IL1RAPL2: variants seen among roughly 807,000 people sequenced by gnomAD.
IL1RAPL2 encodes X-linked interleukin-1 receptor accessory protein-like 2.
A neutral mutation model predicts 44.1 loss-of-function variants in IL1RAPL2; 3 were observed. The observed-to-expected ratio is 0.07, with a 90% CI of 0.03 to 0.18. IL1RAPL2 has a LOEUF of 0.18. Ranked by LOEUF, IL1RAPL2 falls within the 10% of genes least tolerant of loss-of-function variation. The pLI is 1.00. For synonymous variants in IL1RAPL2, 181 were observed against 178.8 expected, an observed-to-expected ratio of 1.01 and a Z score of -0.10; for missense variants, 391 against 496.4, an observed-to-expected ratio of 0.79 and a Z score of 2.02.
chrX:105,298,873 T>C (rs935727886), intron 5 of IL1RAPL2, among the ~76,000 whole-genome samples: 2 of 111,433 alleles, frequency 1.8e-5, no homozygotes, highest in Admixed American at 9.6e-5. Context: ...CTGCTGAGTT[T>C]GAATAAGTGG....
chrX:105,729,861 G>A (rs1260742674), intron 7 of IL1RAPL2, among the ~76,000 whole-genome samples: 1 of 79,020 alleles, frequency 1.3e-5, no homozygotes, highest in Non-Finnish European at 2.3e-5. Flanking sequence ...AGCAAGAGAC[G>A]AAGGAAGGAA....
At chrX:104,814,482 A>G (rs1188981614) in intron 2 of IL1RAPL2, among the ~76,000 whole-genome samples, 2 of 112,493 alleles carry the variant, frequency 1.8e-5, no homozygotes, top group African/African-American at 3.2e-5. Context: ...CATCTTAGAG[A>G]TGAGCAAAAT....
At chrX:105,124,418 G>A (rs1024956713) in intron 2 of IL1RAPL2, among the ~76,000 whole-genome samples, 2 of 110,579 alleles carry the variant, frequency 1.8e-5, no homozygotes, top group African/African-American at 3.3e-5. Flanking sequence ...AAGTCATGGC[G>A]TCAAGATTAT....
rs1340507685 is a variant in IL1RAPL2, at chrX:104,585,351, AT to A, written c.-20+18302del. Among the ~76,000 whole-genome samples, 5 of 12,740 alleles carry A rather than the reference AT, an allele frequency of 3.9e-4. 1 individual carries two copies. Among genetic ancestry groups the A allele is most frequent in the African/African-American group, 2.5e-3 (4 of 1,617 alleles). 11.1% of individuals were successfully genotyped at this position (12,740 alleles called of 115,157 possible). On this transcript the variant is annotated intron_variant, in intron 1 of 10. Coordinates refer to ENST00000372582, the MANE Select transcript of IL1RAPL2 (RefSeq NM_017416.2). Reference sequence around the variant, plus strand: ...ATAATATATATTATATATTATATATATTATATATATTATATATATTATATAT... The same window carrying A: ...ATAATATATATTATATATTATATATATATATATATTATATATATTATATAT...
At chrX:104,700,721 G>T (rs12841926) in intron 2 of IL1RAPL2, among the ~76,000 whole-genome samples, 2 of 111,374 alleles carry the variant, frequency 1.8e-5, no homozygotes, top group Non-Finnish European at 3.8e-5. Flanking sequence ...TGGTATAAAA[G>T]ATTATAAAAG....
In IL1RAPL2 at chrX:104,923,689, G is replaced by A. The variant is rs144372558; in HGVS notation, c.82+264694G>A. On this transcript the variant is annotated intron_variant, in intron 2 of 10. Transcript: ENST00000372582. Reference sequence around the variant, plus strand: ...TGGAAACAAAAGGATGATACTTACCGTCATAAAAGCACATGTAAGTAGAAA... The same window carrying A: ...TGGAAACAAAAGGATGATACTTACCATCATAAAAGCACATGTAAGTAGAAA... 6.4e-3 allele frequency among the ~76,000 whole-genome samples: 715 copies of A among 111,302 alleles called. 3 individuals are homozygous for A. The highest frequency in any genetic ancestry group is 0.022 in the African/African-American group (675 of 30,667).
intron 3 of IL1RAPL2, among the ~76,000 whole-genome samples, chrX:105,232,793 A>G (rs782084954): frequency 1.9e-4 from 21 of 112,618 alleles, no homozygotes; most frequent in Non-Finnish European, 3.7e-4. Context: ...ATTTTTGTTC[A>G]ATAAATACCC....
At chrX:105,323,459 G>A (rs1034940700) in intron 5 of IL1RAPL2, among the ~76,000 whole-genome samples, 1 of 111,857 alleles carries the variant, frequency 8.9e-6, no homozygotes, top group African/African-American at 3.3e-5. Flanking sequence ...CATCAGTGCT[G>A]TGCGCATTAT....
At chrX:105,615,452 T>TA (rs1357576734) in intron 6 of IL1RAPL2, among the ~76,000 whole-genome samples, 2 of 111,904 alleles carry the variant, frequency 1.8e-5, no homozygotes, top group Non-Finnish European at 3.8e-5. Context: ...ACAGATAAAT[T>TA]AATAAAGAAA....
intron 2 of IL1RAPL2, among the ~76,000 whole-genome samples, chrX:104,904,510 A>G (rs771642672): frequency 3.4e-5 from 3 of 88,578 alleles, no homozygotes. Context: ...TGTCCATGTG[A>G]TCTCATTGTT....
At chrX:105,401,834 A>G (rs1240648565) in intron 5 of IL1RAPL2, among the ~76,000 whole-genome samples, 1 of 111,171 alleles carries the variant, frequency 9.0e-6, no homozygotes. Flanking sequence ...ATTCTTAATA[A>G]TTTAGTTAAC....
intron 6 of IL1RAPL2, among the ~76,000 whole-genome samples, chrX:105,587,667 T>G (rs922488593): frequency 5.4e-5 from 6 of 111,894 alleles, no homozygotes; most frequent in African/African-American, 1.9e-4. Flanking sequence ...TGGTATGTGA[T>G]GTTGTCATTA....
intron 2 of IL1RAPL2, among the ~76,000 whole-genome samples, chrX:105,060,453 C>T (rs1291303335): frequency 9.0e-6 from 1 of 111,287 alleles, no homozygotes; most frequent in Non-Finnish European, 1.9e-5. Context: ...GGGTAAATCC[C>T]ACTTGGTCAT....
chrX:104,893,780 A>T (rs1422062562), intron 2 of IL1RAPL2, among the ~76,000 whole-genome samples: 2 of 111,480 alleles, frequency 1.8e-5, no homozygotes, highest in African/African-American at 6.5e-5. Context: ...CATTTAGCCC[A>T]TTTACGTTTA....
chrX:105,571,755 C>T (rs769822740), intron 6 of IL1RAPL2, among the ~76,000 whole-genome samples: 1 of 111,067 alleles, frequency 9.0e-6, no homozygotes, highest in Admixed American at 9.6e-5. Context: ...ACACACTAAG[C>T]CTATCAGATC....
intron 2 of IL1RAPL2, among the ~76,000 whole-genome samples, chrX:104,666,479 G>T (rs1010471191): frequency 9.0e-6 from 1 of 111,661 alleles, no homozygotes; most frequent in Admixed American, 9.5e-5. Context: ...CTGTCCATAA[G>T]GTTAAAGGAT....
intron 6 of IL1RAPL2, among the ~76,000 whole-genome samples, chrX:105,525,477 G>A (rs1040225413): frequency 4.5e-5 from 5 of 110,929 alleles, no homozygotes; most frequent in East Asian, 2.8e-4. Flanking sequence ...ACATTTTGCC[G>A]TGTTTACTCC....
At chrX:105,018,308 G>T (rs1035192589) in intron 2 of IL1RAPL2, among the ~76,000 whole-genome samples, 1 of 110,913 alleles carries the variant, frequency 9.0e-6, no homozygotes, top group Non-Finnish European at 1.9e-5. Flanking sequence ...ACACATCATG[G>T]TTATTTGTTA....
chrX:105,031,039 CTGTT>C (rs1284799443), intron 2 of IL1RAPL2, among the ~76,000 whole-genome samples: 4 of 109,757 alleles, frequency 3.6e-5, no homozygotes, highest in Non-Finnish European at 7.6e-5. Flanking sequence ...ATTTGGCTCT[CTGTT>C]TGTCTGTTAT....
Sources: gnomAD v4.1 joint callset for allele counts (sites outside exome capture counted in the v4.1 genomes callset) on GRCh38, gnomAD v4.1.1 for gene constraint, MANE v1.5 for transcripts, NCBI Gene and HGNC (gene_info 2026-07-23, HGNC 2026-07-21) for gene names.